The following MMEL1 variants were observed in gnomAD, a reference collection of about 807,000 sequenced individuals.
MMEL1 encodes the protein membrane metallo-endopeptidase-like 1.
A neutral mutation model predicts 117.1 loss-of-function variants in MMEL1; 98 were observed. The ratio of observed to expected loss-of-function variants is 0.84; its 90% CI spans 0.71 to 0.99. The LOEUF (loss-of-function observed/expected upper bound fraction) is 0.99, where lower values mean the gene tolerates loss of function less well. Ranked by LOEUF, MMEL1 falls within the 50% of genes least tolerant of loss-of-function variation. The pLI is 0.00. For missense variants in MMEL1, 1,014 were observed against 1,049.1 expected, an observed-to-expected ratio of 0.97 and a Z score of 0.46; for synonymous variants, 390 against 415.1, an observed-to-expected ratio of 0.94 and a Z score of 0.74.
chr1:2,606,880 G>A, intron 7 of MMEL1, 94 bp downstream of exon 7: 1 of 1,157,576 alleles, frequency 8.6e-7, no homozygotes, highest in Non-Finnish European at 1.3e-6. Flanking sequence ...GGGGGTGGGG[G>A]TGGGGTCCCC....
At position 2,593,834 on chromosome 1, in the gene MMEL1, G is replaced by A. The variant is rs762481182; in HGVS notation, c.1847C>T (p.Thr616Met). ...GIGMVIGHEI[T>M]HGFDDNGRNF... Reference sequence around the variant, plus strand: ...CTCACCATTGTCGTCAAAGCCGTGCGTGATCTCGTGCCCGATCACCATCCC... The same window carrying A: ...CTCACCATTGTCGTCAAAGCCGTGCATGATCTCGTGCCCGATCACCATCCC... Residue 616 changes from threonine (T) to methionine (M), a missense_variant, in exon 19 of 24, where the codon ACG (threonine) becomes ATG (methionine). Physicochemically the swap from Thr to Met is moderately conservative, Grantham distance 81. Coordinates refer to ENST00000378412, the MANE Select transcript of MMEL1 (RefSeq NM_033467.4). 27 of 1,610,388 alleles carry A rather than the reference G, an allele frequency of 1.7e-5. No individual in the cohort carries two copies. Among genetic ancestry groups the A allele is most frequent in the South Asian group, 4.4e-5 (4 of 90,766 alleles).
intron 2 of MMEL1, among the ~76,000 whole-genome samples, chr1:2,615,053 A>G (rs1234781118): frequency 6.6e-6 from 1 of 152,176 alleles, no homozygotes; most frequent in Non-Finnish European, 1.5e-5. Flanking sequence ...AAATATCTAC[A>G]AATCATTGAG....
intron 14 of MMEL1, 94 bp from the exon 15 acceptor site, chr1:2,596,201 C>A: frequency 8.4e-7 from 1 of 1,196,568 alleles, no homozygotes; most frequent in Non-Finnish European, 1.2e-6. Flanking sequence ...TGAGCCCCGC[C>A]GGGGCAAGGC....
intron 13 of MMEL1, 64 bp downstream of exon 13, chr1:2,598,143 T>C (rs547034394): frequency 7.0e-7 from 1 of 1,426,204 alleles, no homozygotes; most frequent in South Asian, 1.2e-5. Context: ...CTACAGCTTA[T>C]GCTCAGCATC....
Position 2,629,362 on chromosome 1 carries a change from C to T in MMEL1, c.123G>A (p.Val41=). 6.5e-7 allele frequency: 1 copy of T among 1,543,802 alleles called. No individual in the cohort carries two copies. Among genetic ancestry groups the T allele is most frequent in the South Asian group, 1.2e-5 (1 of 83,990 alleles). The change falls in exon 2 of 24, where the codon GTG becomes GTA. Residue 41 remains valine, a synonymous_variant. Transcript: ENST00000378412. ...LLLLLVTAAL[V]ALGVLYADRR... ...GGTCGGCGTAGAGGACACCCAAGGC[C>T]ACCAGGGCAGCGGTCACCAGCAGCA...
Position 2,595,184 on chromosome 1 carries a change from G to T in MMEL1, c.1584+92C>A. The T allele has an allele frequency of 8.5e-7, 1 of 1,172,540 alleles. No homozygotes were observed. The highest frequency in any genetic ancestry group is 1.2e-6 in the Non-Finnish European group (1 of 806,910). 72.6% of individuals were successfully genotyped at this position (1,172,540 alleles called of 1,614,324 possible). A position where few individuals can be genotyped will look rare whatever the true frequency, so the allele number is the denominator to read the frequency against. On this transcript the variant is annotated intron_variant, in intron 16 of 23. Transcript: ENST00000378412. This position sits in a 1 kb window ranked among gnomAD's most constrained non-coding sequence, Gnocchi z 4.8. ...ACAGCTGTGTTAGCGCCTGGGAGGA[G>T]GGCACAGAGCTTGGCACAGAGGAGC...
chr1:2,591,715 G>A, intron 22 of MMEL1, 82 bp from the exon 23 acceptor site: 1 of 1,196,688 alleles, frequency 8.4e-7, no homozygotes, highest in Non-Finnish European at 1.2e-6. Flanking sequence ...ACTATCCCCA[G>A]GCTGCCCCTT....
chr1:2,609,948 C>T, intron 4 of MMEL1, 117 bp from the exon 5 acceptor site: 1 of 1,159,146 alleles, frequency 8.6e-7, no homozygotes, highest in Admixed American at 2.6e-5. Context: ...GGGCTGCTGT[C>T]CATCCAGTCG....
intron 19 of MMEL1, among the ~76,000 whole-genome samples, chr1:2,593,437 G>T (rs1644777066): frequency 1.3e-5 from 2 of 152,226 alleles, no homozygotes. Context: ...CCATGGCGGG[G>T]GTAGCACACC....
At chr1:2,611,847 GC>G (rs1290043341) in intron 3 of MMEL1, among the ~76,000 whole-genome samples, 2 of 152,182 alleles carry the variant, frequency 1.3e-5, no homozygotes, top group Non-Finnish European at 2.9e-5. Flanking sequence ...CTCTCTGCAT[GC>G]CCTGCCCCGG....
intron 21 of MMEL1, among the ~76,000 whole-genome samples, chr1:2,592,369 T>A (rs1407369695): frequency 1.3e-3 from 64 of 49,304 alleles, no homozygotes; most frequent in African/African-American, 2.0e-3. Context: ...CCTCCCCTGC[T>A]GTGCTGGCAC....
chr1:2,626,210 T>C, intron 2 of MMEL1, among the ~76,000 whole-genome samples: 1 of 152,140 alleles, frequency 6.6e-6, no homozygotes. Flanking sequence ...TTGGAAGAAG[T>C]ATGATTGGAA....
intron 2 of MMEL1, among the ~76,000 whole-genome samples, chr1:2,624,091 A>G (rs1156947881): frequency 6.6e-6 from 1 of 152,198 alleles, no homozygotes; most frequent in Admixed American, 6.5e-5. Flanking sequence ...CAGGTATACT[A>G]GGCCTGCCTA....
chr1:2,598,690 T>C lies in MMEL1; in HGVS notation c.1142A>G (p.Gln381Arg). The change falls in exon 12 of 24, where the codon CAG becomes CGG. Residue 381 changes from glutamine (Q) to arginine (R), a missense_variant. Physicochemically the swap from Gln to Arg is conservative, Grantham distance 43. Coordinates refer to ENST00000378412, the MANE Select transcript of MMEL1 (RefSeq NM_033467.4). ...GGTGTCGATGATGTTTTCAAGGTTC[T>C]GCAGGTAGGGGATGCCATAGACCAC... ...EVVVYGIPYL[Q>R]NLENIIDTYS... 6.2e-7 allele frequency: 1 copy of C among 1,614,156 alleles called. No homozygotes were observed. Among genetic ancestry groups the C allele is most frequent in the Non-Finnish European group, 8.5e-7 (1 of 1,180,002 alleles).
At chr1:2,621,627 G>C (rs1645291309) in intron 2 of MMEL1, among the ~76,000 whole-genome samples, 1 of 151,090 alleles carries the variant, frequency 6.6e-6, no homozygotes. Flanking sequence ...GCAATGGCAC[G>C]ATCTCGGCTC....
chr1:2,600,684 TCAAA>T (rs141426426), intron 11 of MMEL1, among the ~76,000 whole-genome samples: 11 of 151,292 alleles, frequency 7.3e-5, no homozygotes, highest in Admixed American at 2.0e-4. Context: ...AGACCCTGTC[TCAAA>T]CAAACAAACA....
At chr1:2,593,282 C>CT (rs1644773257) in intron 19 of MMEL1, among the ~76,000 whole-genome samples, 1 of 152,224 alleles carries the variant, frequency 6.6e-6, no homozygotes, top group Non-Finnish European at 1.5e-5. Flanking sequence ...TGCCCAAACT[C>CT]TAAGTTCCAG....
At chr1:2,625,207 A>G (rs886330444) in intron 2 of MMEL1, among the ~76,000 whole-genome samples, 4 of 152,142 alleles carry the variant, frequency 2.6e-5, no homozygotes, top group Non-Finnish European at 5.9e-5. Flanking sequence ...AGTCCCCCAA[A>G]GTCTGAACTC....
chr1:2,604,427 C>T, intron 9 of MMEL1, 146 bp from the exon 10 acceptor site: 2 of 1,189,386 alleles, frequency 1.7e-6, no homozygotes, highest in Non-Finnish European at 1.2e-6. Flanking sequence ...CTCGGGCACA[C>T]AGAGTGCCGA....
Sources: allele counts gnomAD v4.1 joint callset (sites outside exome capture counted in the v4.1 genomes callset), GRCh38; gene constraint gnomAD v4.1.1; non-coding constraint Gnocchi (gnomAD v3.1); transcripts MANE v1.5; gene names NCBI Gene and HGNC (gene_info 2026-07-23, HGNC 2026-07-21).